Variants in NDC1 observed in about 807,000 individuals in gnomAD.
The protein encoded by NDC1 is NDC1 transmembrane nucleoporin.
NDC1 carries 24 observed loss-of-function variants against 89.8 expected under a neutral mutation model. The ratio of observed to expected loss-of-function variants is 0.27; its 90% CI spans 0.19 to 0.38. The LOEUF (loss-of-function observed/expected upper bound fraction) is 0.38. Among genes scored for constraint, NDC1 ranks in the 10% least tolerant of loss-of-function variants. The pLI is 1.00. For missense variants in NDC1, 728 were observed against 797.6 expected, an observed-to-expected ratio of 0.91 and a Z score of 1.05; for synonymous variants, 296 against 284.8, an observed-to-expected ratio of 1.04 and a Z score of -0.39.
At chr1:53,822,224 C>A (rs1455567929) in intron 5 of NDC1, among the ~76,000 whole-genome samples, 1 of 152,150 alleles carries the variant, frequency 6.6e-6, no homozygotes, top group Non-Finnish European at 1.5e-5. Flanking sequence ...GTCCCAGCTA[C>A]TCATGAGGCT....
intron 16 of NDC1, among the ~76,000 whole-genome samples, chr1:53,778,271 A>G (rs1036280062): frequency 6.6e-5 from 10 of 151,266 alleles, no homozygotes; most frequent in Non-Finnish European, 1.2e-4. Context: ...ACACACACAC[A>G]CACACACACA....
chr1:53,811,242 G>T (rs1016928083), intron 6 of NDC1, among the ~76,000 whole-genome samples: 4 of 152,338 alleles, frequency 2.6e-5, no homozygotes, highest in Middle Eastern at 6.8e-3. Flanking sequence ...GCTGAACTTT[G>T]TAACAATTTA....
intron 10 of NDC1, 45 bp from the exon 11 acceptor site, chr1:53,800,893 A>C: frequency 6.6e-7 from 1 of 1,517,570 alleles, no homozygotes; most frequent in Non-Finnish European, 8.8e-7. Context: ...ATAATCTTAC[A>C]TTCCCCTCTT....
intron 6 of NDC1, among the ~76,000 whole-genome samples, chr1:53,815,749 CAA>C (rs1236806636): frequency 8.5e-5 from 13 of 152,296 alleles, no homozygotes; most frequent in African/African-American, 3.1e-4. Context: ...AAGAATTCAG[CAA>C]AGTTTCCAGC....
At chr1:53,769,444 G>A (rs1008613355) in intron 17 of NDC1, among the ~76,000 whole-genome samples, 6 of 152,128 alleles carry the variant, frequency 3.9e-5, no homozygotes, top group African/African-American at 1.4e-4. Flanking sequence ...TATGTGAGAT[G>A]ACAGACATGT....
At chr1:53,795,415 C>T (rs1647664924) in intron 13 of NDC1, among the ~76,000 whole-genome samples, 1 of 152,176 alleles carries the variant, frequency 6.6e-6, no homozygotes, top group Non-Finnish European at 1.5e-5. Context: ...AGTATTTTCA[C>T]CTGGTTGTCT....
chr1:53,776,310 A>G (rs946405259), intron 16 of NDC1, among the ~76,000 whole-genome samples: 4 of 152,110 alleles, frequency 2.6e-5, no homozygotes, highest in Admixed American at 6.6e-5. Context: ...GTCTAGAGCT[A>G]TGCTGTCCAA....
intron 17 of NDC1, among the ~76,000 whole-genome samples, chr1:53,771,654 C>G (rs984299738): frequency 6.6e-5 from 10 of 152,156 alleles, no homozygotes; most frequent in Non-Finnish European, 1.0e-4. Flanking sequence ...AAGTCTTAAA[C>G]TATTCATTGA....
chr1:53,822,609 G>A (rs941833355), intron 5 of NDC1, among the ~76,000 whole-genome samples: 32 of 151,776 alleles, frequency 2.1e-4, no homozygotes, highest in Admixed American at 1.8e-3. Flanking sequence ...ATGGTTACCA[G>A]TGGGACAAAG....
chr1:53,792,004 T>G (rs1339948542), intron 14 of NDC1, among the ~76,000 whole-genome samples: 2 of 151,202 alleles, frequency 1.3e-5, no homozygotes, highest in African/African-American at 4.9e-5. Context: ...CTCCAGTGGC[T>G]CTATCTCGGC....
intron 5 of NDC1, among the ~76,000 whole-genome samples, chr1:53,824,029 G>A (rs891664992): frequency 1.3e-5 from 2 of 151,844 alleles, no homozygotes; most frequent in African/African-American, 4.8e-5. Context: ...TTTGAGTCCA[G>A]GAGTCAGAAC....
chr1:53,770,717 C>T (rs544541014), intron 17 of NDC1, among the ~76,000 whole-genome samples: 22 of 152,134 alleles, frequency 1.4e-4, no homozygotes, highest in African/African-American at 5.3e-4. Flanking sequence ...TACAGAGGCA[C>T]GATCTCGGCT....
intron 17 of NDC1, among the ~76,000 whole-genome samples, chr1:53,769,974 A>G (rs971459115): frequency 2.0e-5 from 3 of 152,208 alleles, no homozygotes; most frequent in Admixed American, 1.3e-4. Context: ...AAACACTAGG[A>G]AACTTGCTCA....
chr1:53,819,000 C>G lies in NDC1; in HGVS notation c.674G>C (p.Arg225Thr). 1 of 1,563,372 alleles carries G rather than the reference C, an allele frequency of 6.4e-7. No individual in the cohort carries two copies. The highest frequency in any genetic ancestry group is 8.7e-7 in the Non-Finnish European group (1 of 1,153,534). The change falls in exon 6 of 18, where the codon AGA (arginine) becomes ACA (threonine). Residue 225 changes from arginine (R) to threonine (T), a missense_variant. Physicochemically the swap from Arg to Thr is moderately conservative, Grantham distance 71. Transcript: ENST00000371429. ...HSCVESLFLV[R>T]NFCILYYFLG... ...AAAATAATATAAAATGCAGAAATTT[C>G]TAACCAGGAACAGTGATTCCACACA... is the stretch of plus-strand genomic sequence containing the variant.
intron 6 of NDC1, among the ~76,000 whole-genome samples, chr1:53,815,634 T>A (rs1367847378): frequency 2.6e-5 from 4 of 152,180 alleles, no homozygotes; most frequent in Non-Finnish European, 1.5e-5. Context: ...TTTAAAGGCA[T>A]CCAAATCAGT....
intron 16 of NDC1, among the ~76,000 whole-genome samples, chr1:53,784,769 C>T (rs985252304): frequency 1.3e-5 from 2 of 151,402 alleles, no homozygotes; most frequent in Non-Finnish European, 1.5e-5. Context: ...CCAACCTGGG[C>T]GAAAGAGCGA....
chr1:53,829,110 C>G (rs892880850), intron 3 of NDC1, among the ~76,000 whole-genome samples: 2 of 152,132 alleles, frequency 1.3e-5, no homozygotes, highest in Non-Finnish European at 2.9e-5. Context: ...ATGGGTAGGA[C>G]ATGAGGGATG....
rs572879190 is a variant in NDC1 at position 53,787,134 on chromosome 1, C to G, written c.1800+24G>C. 4.8e-5 allele frequency: 66 copies of G among 1,377,560 alleles called. No individual in the cohort carries two copies. The Admixed American group carries it at 4.8e-4, about 10-fold the overall frequency. 85.3% of individuals were successfully genotyped at this position (1,377,560 alleles called of 1,614,324 possible). Reference sequence around the variant, plus strand: ...TGGGAGGGGAAGATGACCTCTACCCCCTCCCAACCCACAGATTTCTTACCT... The same window carrying G: ...TGGGAGGGGAAGATGACCTCTACCCGCTCCCAACCCACAGATTTCTTACCT... On this transcript the variant is annotated intron_variant, in intron 16 of 17. Transcript: ENST00000371429.
intron 14 of NDC1, among the ~76,000 whole-genome samples, chr1:53,790,900 G>A (rs1167905321): frequency 2.0e-5 from 3 of 152,084 alleles, no homozygotes; most frequent in Non-Finnish European, 4.4e-5. Flanking sequence ...ATCAAGTCAC[G>A]GCATTTTGGG....
Sources: gnomAD v4.1 joint callset for allele counts (sites outside exome capture counted in the v4.1 genomes callset) on GRCh38, gnomAD v4.1.1 for gene constraint, MANE v1.5 for transcripts, NCBI Gene and HGNC (gene_info 2026-07-23, HGNC 2026-07-21) for gene names.